The following RSPRY1 variants were observed in gnomAD, a reference collection of about 807,000 sequenced individuals.
The protein encoded by RSPRY1 is RING finger and SPRY domain-containing protein 1.
Under a neutral mutation model 73.1 loss-of-function variants are expected in RSPRY1, and 23 were observed. The ratio of observed to expected loss-of-function variants is 0.31; its 90% CI spans 0.23 to 0.45. The LOEUF is 0.45. RSPRY1 is among the 20% of genes least tolerant of loss of function. The pLI is 1.00. For synonymous variants in RSPRY1, 226 were observed against 251.4 expected (o/e 0.90, Z 0.95); for missense variants, 448 against 698.7 (o/e 0.64, Z 4.05).
rs200835278 is a variant in RSPRY1, at chr16:57,236,517, GAGGA to G, written c.1634+1290_1634+1293del. On this transcript the variant is annotated intron_variant, in intron 14 of 14. Coordinates refer to ENST00000394420, the MANE Select transcript of RSPRY1 (RefSeq NM_133368.3). The stretch of plus-strand genomic sequence containing the variant: ...AATGAATTACAAGAGTCAATCCCCA[GAGGA>G]GACTGAAAATCTAAGCATTCCTGTT... Among the ~76,000 whole-genome samples, 1,028 of 152,296 alleles carry G rather than the reference GAGGA, an allele frequency of 6.8e-3. 14 individuals carry two copies. The highest frequency in any genetic ancestry group is 0.024 in the African/African-American group (980 of 41,548).
chr16:57,215,092 AAGTC>A (rs1335105102), intron 6 of RSPRY1, among the ~76,000 whole-genome samples: 1 of 152,042 alleles, frequency 6.6e-6, no homozygotes, highest in Non-Finnish European at 1.5e-5. Context: ...GGTGTCATGA[AAGTC>A]AGACTTCCTG....
intron 10 of RSPRY1, among the ~76,000 whole-genome samples, chr16:57,225,742 A>G (rs1296973660): frequency 6.6e-5 from 10 of 152,168 alleles, no homozygotes; most frequent in Non-Finnish European, 1.0e-4. Context: ...CCACCCTTTT[A>G]TTTTAACAGT....
intron 1 of RSPRY1, among the ~76,000 whole-genome samples, chr16:57,202,148 C>G (rs993889161): frequency 2.0e-5 from 3 of 151,426 alleles, no homozygotes; most frequent in Non-Finnish European, 2.9e-5. Flanking sequence ...TAGCAAGACC[C>G]CATCTCTAAA....
chr16:57,234,131 T>C (rs2075267545), intron 13 of RSPRY1, among the ~76,000 whole-genome samples: 1 of 152,146 alleles, frequency 6.6e-6, no homozygotes, highest in Admixed American at 6.5e-5. Context: ...CGTTTTCTCA[T>C]GCTCCTTCAG....
At chr16:57,206,623 C>T (rs2074731073) in intron 2 of RSPRY1, among the ~76,000 whole-genome samples, 1 of 152,090 alleles carries the variant, frequency 6.6e-6, no homozygotes, top group African/African-American at 2.4e-5. Flanking sequence ...CGTACAGTGG[C>T]GTGATCATGA....
chr16:57,200,893 C>T (rs1459663237), intron 1 of RSPRY1, among the ~76,000 whole-genome samples: 2 of 138,382 alleles, frequency 1.4e-5, no homozygotes, highest in African/African-American at 2.7e-5. Context: ...CCTTACTTCC[C>T]AGTAGGGGCG....
At chr16:57,213,768 C>T in intron 5 of RSPRY1, 120 bp from the exon 6 acceptor site, 1 of 774,032 alleles carries the variant, frequency 1.3e-6, no homozygotes, top group Non-Finnish European at 2.3e-6. Flanking sequence ...TACCTCAGAG[C>T]AGGAGGCTTT....
At chr16:57,225,437 C>T (rs762988041) in intron 10 of RSPRY1, among the ~76,000 whole-genome samples, 6 of 152,228 alleles carry the variant, frequency 3.9e-5, no homozygotes, top group African/African-American at 4.8e-5. Context: ...ATAGCTATTT[C>T]AGAAGAGTCA....
At chr16:57,218,688 C>A (rs1277245521) in intron 8 of RSPRY1, among the ~76,000 whole-genome samples, 2 of 132,594 alleles carry the variant, frequency 1.5e-5, no homozygotes, top group East Asian at 4.5e-4. Context: ...TGTGGCTGAA[C>A]AGTACTCCAT....
intron 2 of RSPRY1, chr16:57,207,791 T>C (rs2074755139): frequency 1.9e-6 from 1 of 522,460 alleles, no homozygotes; most frequent in South Asian, 1.6e-5. Flanking sequence ...ACTCCTGTGC[T>C]TTTACCCCAG....
intron 1 of RSPRY1, among the ~76,000 whole-genome samples, chr16:57,191,506 G>C (rs2074351753): frequency 6.6e-6 from 1 of 152,182 alleles, no homozygotes; most frequent in Admixed American, 6.5e-5. Context: ...GTCATATGCA[G>C]AATGGGGATT....
chr16:57,200,850 C>T (rs369878457), intron 1 of RSPRY1, among the ~76,000 whole-genome samples: 3,812 of 143,856 alleles, frequency 0.026, 200 homozygotes, highest in East Asian at 0.19. Flanking sequence ...CCCCTCACCT[C>T]CCGGACGGGG....
chr16:57,213,868 T>TAATTATATCAATTA lies in RSPRY1; in HGVS notation c.644-20_644-19insAATTATATCAATTA. On this transcript the variant is annotated intron_variant, in intron 5 of 14. Transcript: ENST00000394420. ...AATCTGGCATTTTAATTATATCAAG[T>TAATTATATCAATTA]GTTTGTTGTATTTGTCTAGGTCCTG... 6.5e-7 allele frequency: 1 copy of TAATTATATCAATTA among 1,537,508 alleles called. No individual in the cohort carries two copies. Among genetic ancestry groups the TAATTATATCAATTA allele is most frequent in the Non-Finnish European group, 9.0e-7 (1 of 1,110,408 alleles).
intron 8 of RSPRY1, 145 bp from the exon 9 acceptor site, chr16:57,220,587 C>T: frequency 1.0e-5 from 5 of 477,524 alleles, no homozygotes; most frequent in South Asian, 9.9e-5. Context: ...TCATATTATC[C>T]ACAAACATGG....
rs752636895 is a variant in RSPRY1, at chr16:57,204,699, G to C, written c.41G>C (p.Ser14Thr). The C allele has an allele frequency of 1.9e-6, 3 of 1,614,218 alleles. No homozygotes were observed. The highest frequency in any genetic ancestry group is 2.5e-6 in the Non-Finnish European group (3 of 1,180,032). ...TGGGCCGTGTTCTTAGCGAGCAGAA[G>C]CCTTGGCCAGGGTCTGTTGTTGACT... ...FGWAVFLASR[S>T]LGQGLLLTLE... The change falls in exon 2 of 15, where the codon AGC (serine) becomes ACC (threonine). Residue 14 changes from serine (S) to threonine (T), a missense_variant. Coordinates refer to ENST00000394420, the MANE Select transcript of RSPRY1 (RefSeq NM_133368.3).
intron 1 of RSPRY1, among the ~76,000 whole-genome samples, chr16:57,191,984 T>A (rs1005411876): frequency 6.6e-6 from 1 of 152,212 alleles, no homozygotes; most frequent in Non-Finnish European, 1.5e-5. Flanking sequence ...CTTTCCTCAC[T>A]GCCTGCCATA....
In RSPRY1 at chr16:57,221,434, T is replaced by G. The variant is rs753112705; in HGVS notation, c.1161+19T>G. On this transcript the variant is annotated intron_variant, in intron 10 of 14. Transcript: ENST00000394420. ...CAATCATGTGAGTACCCTAGAGAAC[T>G]GTGAAAATGGGAGCAGTGGCAGTTT... The G allele has an allele frequency of 6.3e-7, 1 of 1,587,464 alleles. No homozygotes were observed. The highest frequency in any genetic ancestry group is 1.8e-5 in the Admixed American group (1 of 55,032).
chr16:57,188,049 C>T (rs2074280718), intron 1 of RSPRY1, among the ~76,000 whole-genome samples: 1 of 152,172 alleles, frequency 6.6e-6, no homozygotes, highest in Admixed American at 6.5e-5. Flanking sequence ...ATACTTTCTC[C>T]CTCAGTTGTG....
intron 8 of RSPRY1, among the ~76,000 whole-genome samples, chr16:57,218,536 C>T (rs1476325269): frequency 6.6e-6 from 1 of 151,950 alleles, no homozygotes; most frequent in African/African-American, 2.4e-5. Context: ...TTTCTATCTT[C>T]ATGAGTTCAG....
Sources: allele counts gnomAD v4.1 joint callset (sites outside exome capture counted in the v4.1 genomes callset), GRCh38; gene constraint gnomAD v4.1.1; transcripts MANE v1.5; gene names NCBI Gene and HGNC (gene_info 2026-07-23, HGNC 2026-07-21).